Variants in PPP1R13L observed in about 807,000 individuals in gnomAD.
PPP1R13L encodes protein phosphatase 1 regulatory subunit 13 like, also known as relA-associated inhibitor.
A neutral mutation model predicts 80.9 loss-of-function variants in PPP1R13L; 50 were observed. That is an observed-to-expected ratio of 0.62 (90% CI 0.49 to 0.78). The LOEUF (loss-of-function observed/expected upper bound fraction) is 0.78. Ranked by LOEUF, PPP1R13L falls within the 30% of genes least tolerant of loss-of-function variation. The pLI, the probability that PPP1R13L is intolerant of heterozygous loss-of-function variation, is 0.00. For missense variants in PPP1R13L, 1,200 were observed against 1,205.9 expected (o/e 1.00, Z 0.07); for synonymous variants, 602 against 534.3 (o/e 1.13, Z -1.75).
rs1368089554 is a variant in PPP1R13L at position 45,386,125 on chromosome 19, C to A, written c.1871G>T (p.Arg624Leu). 1.3e-6 allele frequency: 2 copies of A among 1,549,068 alleles called. No individual in the cohort carries two copies. The highest frequency in any genetic ancestry group is 1.7e-6 in the Non-Finnish European group (2 of 1,159,084). Residue 624 changes from arginine to leucine, a missense_variant, in exon 9 of 13, where the codon CGC (arginine) becomes CTC (leucine). Arg to Leu is a moderately radical substitution (Grantham distance 102). Around this residue, in one of 5 missense-constraint regions of PPP1R13L, gnomAD observed 214 missense variants for 199.6 expected, o/e 1.07. Coordinates refer to ENST00000360957, the MANE Select transcript of PPP1R13L (RefSeq NM_006663.4). Reference protein sequence around the residue: ...AGSPRKARRARLNPLVLLLDA... With the variant: ...AGSPRKARRALLNPLVLLLDA... ...CAGGAGGAGCACCAGAGGGTTGAGGCGCGCGCGGCGGGCCTTGCGCGGGGA... is the reference window on the plus strand; with the variant it reads ...CAGGAGGAGCACCAGAGGGTTGAGGAGCGCGCGGCGGGCCTTGCGCGGGGA...
At chr19:45,405,473 A>G (rs754432740), upstream of PPP1R13L, among the ~76,000 whole-genome samples, 3 of 152,124 alleles carry the variant, frequency 2.0e-5, no homozygotes, top group Non-Finnish European at 4.4e-5. Context: ...CAAGAGTTCA[A>G]AATCTTAGTT....
chr19:45,386,737 G>A (rs1381932899), intron 8 of PPP1R13L, among the ~76,000 whole-genome samples: 1 of 150,424 alleles, frequency 6.6e-6, no homozygotes, highest in African/African-American at 2.4e-5. Context: ...CCAGGTTCAA[G>A]CAATTCTCCT....
At chr19:45,395,944 T>C in intron 6 of PPP1R13L, 58 bp from the exon 7 acceptor site, 4 of 1,387,512 alleles carry the variant, frequency 2.9e-6, no homozygotes, top group Non-Finnish European at 4.0e-6. Context: ...GGAGGGGAGG[T>C]AAAGACAAAA....
In PPP1R13L at chr19:45,392,342, TAGCCGGAACAAG is replaced by T; in HGVS notation, c.1355-14_1355-3del. On this transcript the variant is annotated splice_polypyrimidine_tract_variant and splice_region_variant and intron_variant, in intron 7 of 12. Coordinates refer to ENST00000360957, the MANE Select transcript of PPP1R13L (RefSeq NM_006663.4). ...GCTCGGTGGGGGGTTTGGGGGGTCC[TAGCCGGAACAAG>T]AGCCCATCAGAGGACAGGTCCCCAG... The T allele has an allele frequency of 4.3e-6, 7 of 1,613,046 alleles. No homozygotes were observed. Among genetic ancestry groups the T allele is most frequent in the Non-Finnish European group, 5.1e-6 (6 of 1,179,936 alleles).
chr19:45,399,419 G>T lies in PPP1R13L; in HGVS notation c.-21-1080C>A, dbSNP rs184493248. The stretch of plus-strand genomic sequence containing the variant: ...GAGGGCGGATCACGAGGTCAGGAGA[G>T]CGAGACCATCCTGGCTAACATGGTG... On this transcript the variant is annotated intron_variant, in intron 1 of 12. Coordinates refer to ENST00000360957, the MANE Select transcript of PPP1R13L (RefSeq NM_006663.4). Among the ~76,000 whole-genome samples, 595 of 148,668 alleles carry T rather than the reference G, an allele frequency of 4.0e-3. 5 individuals are homozygous for T. The highest frequency in any genetic ancestry group is 0.016 in the South Asian group (73 of 4,626).
chr19:45,391,200 A>G (rs1972966062), intron 8 of PPP1R13L, among the ~76,000 whole-genome samples: 1 of 22,274 alleles, frequency 4.5e-5, no homozygotes, highest in Non-Finnish European at 7.6e-5. Flanking sequence ...TCTGCCTGGA[A>G]AAAAAAAAAA....
chr19:45,399,893 G>A (rs1420415187), intron 1 of PPP1R13L, among the ~76,000 whole-genome samples: 2 of 151,798 alleles, frequency 1.3e-5, no homozygotes, highest in Admixed American at 6.6e-5. Context: ...AGGTTGCAGT[G>A]AGCATAGATT....
chr19:45,387,700 G>A (rs1431636108), intron 8 of PPP1R13L, among the ~76,000 whole-genome samples: 5 of 152,078 alleles, frequency 3.3e-5, no homozygotes, highest in African/African-American at 7.2e-5. Context: ...GACTACGGGC[G>A]CCCGCCACCA....
rs556503702 is a variant in PPP1R13L at position 45,398,325 on chromosome 19, G to T, written c.-7C>A. The stretch of plus-strand genomic sequence containing the variant: ...GGAATGCCTCGCTGTCCATGGTGCC[G>T]GCCGGAGCGGGCGCCTGCATGGTGG... On this transcript the variant is annotated 5_prime_UTR_variant, in exon 2 of 13. Coordinates refer to ENST00000360957, the MANE Select transcript of PPP1R13L (RefSeq NM_006663.4). 6.2e-7 allele frequency: 1 copy of T among 1,613,320 alleles called. No homozygotes were observed. Among genetic ancestry groups the T allele is most frequent in the African/African-American group, 1.3e-5 (1 of 75,038 alleles).
Position 45,386,058 on chromosome 19 carries a change from C to G in PPP1R13L, c.1938G>C (p.Ala646=), listed in dbSNP as rs1165722048. The change falls in exon 9 of 13, where the codon GCG becomes GCC. Residue 646 remains alanine (A), a synonymous_variant. Transcript: ENST00000360957. ...LTGELEVVQQ[A]VKEMNDPSQP... ...GCTCAGCAGCGCTCACCTCCTTCAC[C>G]GCCTGCTGCACCACCTCCAGCTCCC... 1 of 1,586,858 alleles carries G rather than the reference C, an allele frequency of 6.3e-7. No homozygotes were observed. Among genetic ancestry groups the G allele is most frequent in the South Asian group, 1.1e-5 (1 of 88,100 alleles).
intron 7 of PPP1R13L, 148 bp from the exon 8 acceptor site, chr19:45,392,488 G>A: frequency 1.2e-6 from 1 of 824,234 alleles, no homozygotes; most frequent in African/African-American, 1.7e-5. Flanking sequence ...CACTTTCCTT[G>A]GGCTGTGAAT....
chr19:45,400,586 G>A (rs1973211749), intron 1 of PPP1R13L, among the ~76,000 whole-genome samples: 1 of 147,988 alleles, frequency 6.8e-6, no homozygotes, highest in Non-Finnish European at 1.5e-5. Context: ...CAACATCAAA[G>A]AAGAAGGCAA....
Position 45,397,033 on chromosome 19 carries a change from A to G in PPP1R13L, c.224T>C (p.Ile75Thr), listed in dbSNP as rs771260025. ...SRPPRYSSSS[I>T]PEPFGSRGSP... ...CCCTCGGCTGCCGAAGGGCTCAGGG[A>G]TCGAGCTGGAGCTGTACCGGGGCGG... The change falls in exon 4 of 13, where the codon ATC becomes ACC. Residue 75 changes from isoleucine to threonine, a missense_variant. Ile to Thr is a moderately conservative substitution (Grantham distance 89). This residue lies in a region of PPP1R13L where 764 missense variants were observed against 714.5 expected (regional missense o/e 1.07). Transcript: ENST00000360957. 7.4e-7 allele frequency: 1 copy of G among 1,357,500 alleles called. No individual in the cohort carries two copies. Among genetic ancestry groups the G allele is most frequent in the Non-Finnish European group, 9.5e-7 (1 of 1,057,268 alleles). 84.1% of individuals were successfully genotyped at this position (1,357,500 alleles called of 1,614,324 possible).
chr19:45,382,777 G>T (rs1388916637), intron 11 of PPP1R13L, 51 bp from the exon 12 acceptor site: 1 of 1,586,096 alleles, frequency 6.3e-7, no homozygotes, highest in African/African-American at 1.3e-5. Flanking sequence ...GGGGGTCCAG[G>T]AACAGGGGCC....
chr19:45,398,285 A>T lies in PPP1R13L; in HGVS notation c.34T>A (p.Phe12Ile). 1 of 1,613,928 alleles carries T rather than the reference A, an allele frequency of 6.2e-7. No homozygotes were observed. The highest frequency in any genetic ancestry group is 1.1e-5 in the South Asian group (1 of 91,066). Residue 12 changes from phenylalanine (F) to isoleucine (I), a missense_variant, in exon 2 of 13, where the codon TTT becomes ATT. Coordinates refer to ENST00000360957, the MANE Select transcript of PPP1R13L (RefSeq NM_006663.4). ...TTACACTGGAAGTTCATGTCCAGAAAGTCCCGCGCGCTCTGGAATGCCTCG... is the reference window on the plus strand; with the variant it reads ...TTACACTGGAAGTTCATGTCCAGAATGTCCCGCGCGCTCTGGAATGCCTCG... The part of the protein sequence containing the change: ...DSEAFQSARD[F>I]LDMNFQSLAM...
At chr19:45,398,176 CTGGCCT>C in intron 2 of PPP1R13L, 29 bp from the exon 3 acceptor site, 1 of 1,612,674 alleles carries the variant, frequency 6.2e-7, no homozygotes, top group Non-Finnish European at 8.5e-7. Context: ...AGGTAAGGAC[CTGGCCT>C]CCTGGCAGGG....
In PPP1R13L at chr19:45,382,647, C is replaced by T. The variant is rs1280472962; in HGVS notation, c.2328G>A (p.Glu776=). The change falls in exon 12 of 13, where the codon GAG becomes GAA. Residue 776 remains glutamate, a synonymous_variant. Transcript: ENST00000360957. ...LWDYSAEFGD[E]LSFREGESVT... is the part of the protein sequence containing the mutation. ...CCGACTCGCCCTCGCGGAAGGACAG[C>T]TCGTCCCCGAACTCGGCGCTGTAGT... The T allele has an allele frequency of 6.2e-7, 1 of 1,613,938 alleles. No homozygotes were observed. The highest frequency in any genetic ancestry group is 8.5e-7 in the Non-Finnish European group (1 of 1,180,042).
At position 45,396,908 on chromosome 19, in the gene PPP1R13L, G is replaced by T; in HGVS notation, c.349C>A (p.Arg117=). The change falls in exon 4 of 13, where the codon CGG becomes AGG. Residue 117 remains arginine (R), a synonymous_variant. Transcript: ENST00000360957. This position sits in a 1 kb window ranked among gnomAD's most constrained non-coding sequence, Gnocchi z 5.3. ...AGCGGGGTGCGCGGCGACGACGGCCGTCCCTTGGGGGACAGCGGGCTGTAG... is the reference window on the plus strand; with the variant it reads ...AGCGGGGTGCGCGGCGACGACGGCCTTCCCTTGGGGGACAGCGGGCTGTAG... ...HPYSPLSPKG[R]PSSPRTPLYL... is the part of the protein sequence containing the mutation. 6.6e-7 allele frequency: 1 copy of T among 1,505,850 alleles called. No individual in the cohort carries two copies. 93.3% of individuals were successfully genotyped at this position (1,505,850 alleles called of 1,614,324 possible).
Position 45,380,291 on chromosome 19 carries a change from C to T in PPP1R13L, c.2449-63G>A, listed in dbSNP as rs370156785. 7.4e-4 allele frequency: 1,176 copies of T among 1,584,708 alleles called. 1 individual carries two copies. The highest frequency in any genetic ancestry group is 1.1e-3 in the Middle Eastern group (6 of 5,356). ...CACCTCCTCATCCCACATGCAAATCCGCTGCCTGTCTCTATCCTCCCACCC... is the reference window on the plus strand; with the variant it reads ...CACCTCCTCATCCCACATGCAAATCTGCTGCCTGTCTCTATCCTCCCACCC... On this transcript the variant is annotated intron_variant, in intron 12 of 12. Transcript: ENST00000360957.
Sources: gnomAD v4.1 joint callset for allele counts (sites outside exome capture counted in the v4.1 genomes callset) on GRCh38, gnomAD v4.1.1 for gene constraint, gnomAD v4.1.1 regional missense constraint, Gnocchi (gnomAD v3.1) non-coding constraint, MANE v1.5 for transcripts, NCBI Gene and HGNC (gene_info 2026-07-23, HGNC 2026-07-21) for gene names.